The following GXYLT1 variants were observed in gnomAD, a reference collection of about 807,000 sequenced individuals.
GXYLT1 encodes glycosyltransferase 8 domain containing 3.
A neutral mutation model predicts 54.0 loss-of-function variants in GXYLT1; 29 were observed. That is an observed-to-expected ratio of 0.54 (90% CI 0.40 to 0.73). The LOEUF (loss-of-function observed/expected upper bound fraction) is 0.73, where lower values mean the gene tolerates loss of function less well. Ranked by LOEUF, GXYLT1 falls within the 30% of genes least tolerant of loss-of-function variation. GXYLT1 has a pLI of 0.00. For synonymous variants in GXYLT1, 176 were observed against 204.1 expected (o/e 0.86, Z 1.17); for missense variants, 490 against 553.4 (o/e 0.89, Z 1.15).
intron 5 of GXYLT1, among the ~76,000 whole-genome samples, chr12:42,099,961 AAATAT>A (rs1301196513): frequency 1.3e-5 from 2 of 152,238 alleles, no homozygotes; most frequent in Non-Finnish European, 1.5e-5. Context: ...AATGAGATAA[AAATAT>A]AATACTAATA....
chr12:42,138,396 A>T (rs2065633227), intron 1 of GXYLT1, among the ~76,000 whole-genome samples: 1 of 152,224 alleles, frequency 6.6e-6, no homozygotes, highest in Non-Finnish European at 1.5e-5. Flanking sequence ...AATCCTTGGC[A>T]AGTAGGAAAA....
chr12:42,109,702 TTA>T lies in GXYLT1; in HGVS notation c.487-13_487-12del, dbSNP rs1491114839. ...TGACCAGTTGTCAAGCTAAAACAAT[TTA>T]AAAAAAAACTGTTTAGTTTCACTCT... is the stretch of plus-strand genomic sequence containing the variant. On this transcript the variant is annotated splice_polypyrimidine_tract_variant and intron_variant, in intron 3 of 7. Coordinates refer to ENST00000398675, the MANE Select transcript of GXYLT1 (RefSeq NM_173601.2). 2 of 1,312,642 alleles carry T rather than the reference TTA, an allele frequency of 1.5e-6. No individual in the cohort carries two copies. The highest frequency in any genetic ancestry group is 1.5e-5 in the African/African-American group (1 of 65,422). The allele number at this position is 1,312,642 out of a possible 1,614,324, so 81.3% of individuals were successfully genotyped here. A position where few individuals can be genotyped will look rare whatever the true frequency, so the allele number is the denominator to read the frequency against.
intron 1 of GXYLT1, among the ~76,000 whole-genome samples, chr12:42,133,841 C>T (rs1461141867): frequency 6.6e-6 from 1 of 152,154 alleles, no homozygotes; most frequent in Non-Finnish European, 1.5e-5. Context: ...ACCTAACCAA[C>T]ACCCAGGTTA....
chr12:42,114,288 A>C (rs2065478445), intron 3 of GXYLT1, among the ~76,000 whole-genome samples: 1 of 152,228 alleles, frequency 6.6e-6, no homozygotes, highest in African/African-American at 2.4e-5. Flanking sequence ...TCAGAACAGA[A>C]CTGAAGGAAA....
At chr12:42,093,711 T>C (rs1284121145) in intron 7 of GXYLT1, among the ~76,000 whole-genome samples, 1 of 152,188 alleles carries the variant, frequency 6.6e-6, no homozygotes, top group Non-Finnish European at 1.5e-5. Context: ...AGTCTTACTA[T>C]GCTGCCCAGG....
rs2065264227 is a variant in GXYLT1 at position 42,083,338 on chromosome 12, A to G, written c.*4448T>C. On this transcript the variant is annotated 3_prime_UTR_variant, in exon 8 of 8. Transcript: ENST00000398675. ...AAAAGGGTTGCTTTGGCAATGGATAAAAGAATAACTGTTATAATACAAATC... is the reference window on the plus strand; with the variant it reads ...AAAAGGGTTGCTTTGGCAATGGATAGAAGAATAACTGTTATAATACAAATC... 2 of 130,570 alleles carry G rather than the reference A, an allele frequency of 1.5e-5. No homozygotes were observed. Among genetic ancestry groups the G allele is most frequent in the Non-Finnish European group, 3.3e-5 (2 of 60,826 alleles). The allele number at this position is 130,570 out of a possible 1,614,324, so 8.1% of individuals were successfully genotyped here. A position where few individuals can be genotyped will look rare whatever the true frequency, so the allele number is the denominator to read the frequency against.
intron 4 of GXYLT1, 81 bp downstream of exon 4, chr12:42,109,485 C>G: frequency 1.1e-6 from 1 of 924,752 alleles, no homozygotes; most frequent in Non-Finnish European, 1.4e-6. Context: ...TTATATGTAA[C>G]TCTTCAGAGA....
At chr12:42,112,215 G>T (rs182978776) in intron 3 of GXYLT1, among the ~76,000 whole-genome samples, 4 of 152,224 alleles carry the variant, frequency 2.6e-5, no homozygotes, top group Non-Finnish European at 5.9e-5. Context: ...CAGAAAAACT[G>T]GAAACTCTAA....
At chr12:42,099,403 T>C (rs904542134) in intron 5 of GXYLT1, among the ~76,000 whole-genome samples, 2 of 152,188 alleles carry the variant, frequency 1.3e-5, no homozygotes, top group African/African-American at 2.4e-5. Flanking sequence ...TTAATGTTTA[T>C]AGTAGTTTTA....
intron 2 of GXYLT1, among the ~76,000 whole-genome samples, chr12:42,120,231 T>C (rs931937839): frequency 6.6e-6 from 1 of 152,216 alleles, no homozygotes; most frequent in Non-Finnish European, 1.5e-5. Context: ...AACCCAGTCA[T>C]AATTTCATCC....
intron 3 of GXYLT1, among the ~76,000 whole-genome samples, chr12:42,110,905 C>G (rs1213421005): frequency 1.3e-5 from 2 of 152,110 alleles, no homozygotes; most frequent in Non-Finnish European, 2.9e-5. Context: ...AAAGCAAAAC[C>G]AAACATTCTC....
intron 4 of GXYLT1, among the ~76,000 whole-genome samples, chr12:42,107,480 C>T (rs1042030052): frequency 1.3e-5 from 2 of 152,132 alleles, no homozygotes; most frequent in African/African-American, 4.8e-5. Flanking sequence ...CACCTGAGGT[C>T]AGGGCTTCGA....
intron 2 of GXYLT1, among the ~76,000 whole-genome samples, chr12:42,125,185 A>C (rs1363329582): frequency 6.6e-6 from 1 of 152,188 alleles, no homozygotes; most frequent in East Asian, 1.9e-4. Context: ...AGCAGCCAGG[A>C]GCAACAGTGT....
At chr12:42,089,316 A>G (rs986970149) in intron 7 of GXYLT1, among the ~76,000 whole-genome samples, 1 of 125,326 alleles carries the variant, frequency 8.0e-6, no homozygotes, top group African/African-American at 3.1e-5. Context: ...GAAGGGGAAC[A>G]TCACACATCG....
intron 1 of GXYLT1, among the ~76,000 whole-genome samples, chr12:42,139,444 G>A (rs2065639382): frequency 6.6e-6 from 1 of 152,080 alleles, no homozygotes; most frequent in Non-Finnish European, 1.5e-5. Flanking sequence ...TAGGTCATGA[G>A]AGCAGAGCCC....
chr12:42,144,110 C>T (rs926206766), intron 1 of GXYLT1, among the ~76,000 whole-genome samples: 2 of 152,212 alleles, frequency 1.3e-5, no homozygotes, highest in African/African-American at 4.8e-5. Flanking sequence ...ACTAGCCAGG[C>T]AGCAGTAAGG....
chr12:42,093,397 G>A (rs992815864), intron 7 of GXYLT1, among the ~76,000 whole-genome samples: 7 of 151,756 alleles, frequency 4.6e-5, no homozygotes, highest in African/African-American at 9.7e-5. Flanking sequence ...CACTGTGCCC[G>A]GCCTAAAAAT....
At chr12:42,138,442 T>G (rs11837035) in intron 1 of GXYLT1, among the ~76,000 whole-genome samples, 4,474 of 152,226 alleles carry the variant, frequency 0.029, 192 homozygotes, top group East Asian at 0.1. Context: ...GAAACAATCA[T>G]CTACCCATTT....
At chr12:42,134,729 T>C (rs1056198427) in intron 1 of GXYLT1, among the ~76,000 whole-genome samples, 4 of 152,232 alleles carry the variant, frequency 2.6e-5, no homozygotes, top group African/African-American at 7.2e-5. Flanking sequence ...AACTGAGCTG[T>C]TCATTCACAT....
Sources: allele counts gnomAD v4.1 joint callset (sites outside exome capture counted in the v4.1 genomes callset), GRCh38; gene constraint gnomAD v4.1.1; transcripts MANE v1.5; gene names NCBI Gene and HGNC (gene_info 2026-07-23, HGNC 2026-07-21).